Variants in KCNMA1 observed in about 807,000 individuals in gnomAD.
KCNMA1 encodes potassium calcium-activated channel subfamily M alpha 1.
In KCNMA1, 29 loss-of-function variants were observed where a neutral mutation model predicts 140.0. The ratio of observed to expected loss-of-function variants is 0.21; its 90% CI spans 0.15 to 0.28. KCNMA1 has a LOEUF of 0.28. KCNMA1 is among the 10% of genes least tolerant of loss of function. The pLI is 1.00. For synonymous variants in KCNMA1, 612 were observed against 611.9 expected (o/e 1.00, Z 0.00); for missense variants, 880 against 1,602.2 (o/e 0.55, Z 7.70).
chr10:77,136,714 T>C (rs555679586), intron 5 of KCNMA1, among the ~76,000 whole-genome samples: 11 of 152,284 alleles, frequency 7.2e-5, no homozygotes, highest in African/African-American at 2.2e-4. Flanking sequence ...AGTGGCCATG[T>C]TACAAAGGCA....
chr10:76,965,935 G>A (rs530885116), intron 20 of KCNMA1, among the ~76,000 whole-genome samples: 1 of 152,274 alleles, frequency 6.6e-6, no homozygotes, highest in South Asian at 2.1e-4. Context: ...GGTAATGACA[G>A]CTCTTTCTAT....
intron 14 of KCNMA1, among the ~76,000 whole-genome samples, chr10:77,055,913 G>A (rs2095526097): frequency 6.6e-6 from 1 of 152,184 alleles, no homozygotes; most frequent in African/African-American, 2.4e-5. Flanking sequence ...GTGCATGGAT[G>A]AAACTGACCC....
intron 19 of KCNMA1, among the ~76,000 whole-genome samples, chr10:76,988,992 G>A (rs932013566): frequency 6.6e-6 from 1 of 152,150 alleles, no homozygotes; most frequent in Non-Finnish European, 1.5e-5. Flanking sequence ...CAAATATGAT[G>A]AGGAGGCTCT....
At chr10:77,394,502 G>A (rs530337944) in intron 2 of KCNMA1, among the ~76,000 whole-genome samples, 8 of 152,324 alleles carry the variant, frequency 5.3e-5, no homozygotes, top group Admixed American at 6.5e-5. Flanking sequence ...GGGGGCTGCC[G>A]AAGCAGTGGG....
intron 1 of KCNMA1, among the ~76,000 whole-genome samples, chr10:77,540,375 A>G (rs2059905256): frequency 1.3e-5 from 2 of 152,258 alleles, no homozygotes; most frequent in Admixed American, 6.5e-5. Context: ...TTGAATAATC[A>G]GTATAACATT....
At position 77,236,375 on chromosome 10, in the gene KCNMA1, T is replaced by C. The variant is rs139165134; in HGVS notation, c.602+14820A>G. ...TAGCCTTCAGTGAGCTCTGCAGTCCTATGCATTATCGAACCTGAAGGTGAC... is the reference window on the plus strand; with the variant it reads ...TAGCCTTCAGTGAGCTCTGCAGTCCCATGCATTATCGAACCTGAAGGTGAC... On this transcript the variant is annotated intron_variant, in intron 3 of 27. Transcript: ENST00000286628. Among the ~76,000 whole-genome samples, 764 of 152,342 alleles carry C rather than the reference T, an allele frequency of 5.0e-3. 2 individuals carry two copies. Among genetic ancestry groups the C allele is most frequent in the Middle Eastern group, 0.024 (7 of 294 alleles).
chr10:77,581,378 G>A (rs1474719452), intron 1 of KCNMA1, among the ~76,000 whole-genome samples: 2 of 151,452 alleles, frequency 1.3e-5, no homozygotes, highest in Admixed American at 1.3e-4. Flanking sequence ...GCGTGATCTC[G>A]GCTCACTGTA....
At chr10:77,203,889 G>T (rs1490661564) in intron 3 of KCNMA1, among the ~76,000 whole-genome samples, 1 of 152,034 alleles carries the variant, frequency 6.6e-6, no homozygotes, top group Admixed American at 6.6e-5. Context: ...TTGAAGTCAG[G>T]AATCCGAGAC....
chr10:77,623,245 A>G lies in KCNMA1; in HGVS notation c.378+14020T>C, dbSNP rs185260260. On this transcript the variant is annotated intron_variant, in intron 1 of 27. Coordinates refer to ENST00000286628, the MANE Select transcript of KCNMA1 (RefSeq NM_001161352.2). ...ATCTCCTGACTTTAAAAAGGGACCA[A>G]TTAAAAATACAGCACTTGCATTGCC... 1.9e-3 allele frequency among the ~76,000 whole-genome samples: 282 copies of G among 152,334 alleles called. 1 individual carries two copies. Among genetic ancestry groups the G allele is most frequent in the Non-Finnish European group, 3.0e-3 (204 of 68,026 alleles).
chr10:76,935,015 G>GA (rs2060188483), intron 23 of KCNMA1, among the ~76,000 whole-genome samples: 1 of 152,170 alleles, frequency 6.6e-6, no homozygotes, highest in Non-Finnish European at 1.5e-5. Flanking sequence ...ATATTCACAA[G>GA]AAAAACAGAA....
chr10:77,312,453 C>G (rs2079568628), intron 2 of KCNMA1, among the ~76,000 whole-genome samples: 1 of 152,156 alleles, frequency 6.6e-6, no homozygotes, highest in African/African-American at 2.4e-5. Context: ...TGGTGAAACC[C>G]CATCTCTACT....
intron 23 of KCNMA1, among the ~76,000 whole-genome samples, chr10:76,918,280 A>G (rs2053796764): frequency 6.6e-6 from 1 of 152,254 alleles, no homozygotes; most frequent in Admixed American, 6.5e-5. Context: ...TTATTTTGCC[A>G]GAAAAGATGA....
chr10:77,152,306 G>GT (rs2098429342), intron 5 of KCNMA1, among the ~76,000 whole-genome samples: 1 of 151,498 alleles, frequency 6.6e-6, no homozygotes, highest in Non-Finnish European at 1.5e-5. Flanking sequence ...GTGTGTGTGT[G>GT]TGTTGTTGCT....
intron 1 of KCNMA1, among the ~76,000 whole-genome samples, chr10:77,619,560 G>A (rs901407604): frequency 2.0e-5 from 3 of 152,124 alleles, no homozygotes; most frequent in African/African-American, 7.2e-5. Context: ...TACAACCCAA[G>A]AGGATGAACG....
At chr10:77,636,184 A>C (rs188501430) in intron 1 of KCNMA1, 1 of 1,422,696 alleles carries the variant, frequency 7.0e-7, no homozygotes, top group East Asian at 2.5e-5. Flanking sequence ...GAAAGAAGGC[A>C]GCTGGCTCAC....
At chr10:76,949,987 G>A (rs1222907051) in intron 21 of KCNMA1, among the ~76,000 whole-genome samples, 1 of 151,990 alleles carries the variant, frequency 6.6e-6, no homozygotes, top group Non-Finnish European at 1.5e-5. Context: ...AATTGTTTTT[G>A]TGCTTCAAAA....
At chr10:77,008,171 C>G in intron 18 of KCNMA1, 1 of 1,534,394 alleles carries the variant, frequency 6.5e-7, no homozygotes, top group South Asian at 1.2e-5. Context: ...CTGCTGGGAA[C>G]CCGTTTTACT....
chr10:76,887,870 T>G, intron 27 of KCNMA1: 1 of 316,452 alleles, frequency 3.2e-6, no homozygotes, highest in Non-Finnish European at 6.1e-6. Flanking sequence ...GCAACTTTCA[T>G]TTCATAATTT....
intron 25 of KCNMA1, among the ~76,000 whole-genome samples, chr10:76,900,648 ACT>A (rs1386925636): frequency 6.6e-6 from 1 of 152,152 alleles, no homozygotes; most frequent in Non-Finnish European, 1.5e-5. Context: ...TTCAGCATGC[ACT>A]TTTTATGCAT....
Sources: gnomAD v4.1 joint callset for allele counts (sites outside exome capture counted in the v4.1 genomes callset) on GRCh38, gnomAD v4.1.1 for gene constraint, MANE v1.5 for transcripts, NCBI Gene and HGNC (gene_info 2026-07-23, HGNC 2026-07-21) for gene names.